Variants in KCNH8 observed in about 807,000 individuals in gnomAD.
KCNH8 encodes voltage-gated delayed rectifier potassium channel KCNH8.
A neutral mutation model predicts 103.6 loss-of-function variants in KCNH8; 70 were observed. That is an observed-to-expected ratio of 0.68 (90% CI 0.56 to 0.82). The LOEUF (loss-of-function observed/expected upper bound fraction) is 0.82, where lower values mean the gene tolerates loss of function less well. Among genes scored for constraint, KCNH8 ranks in the 40% least tolerant of loss-of-function variants. The pLI, the probability that KCNH8 is intolerant of heterozygous loss-of-function variation, is 0.00. For missense variants in KCNH8, 1,217 were observed against 1,329.9 expected, an observed-to-expected ratio of 0.92 and a Z score of 1.32; for synonymous variants, 498 against 489.4, an observed-to-expected ratio of 1.02 and a Z score of -0.23.
At chr3:19,372,994 G>A (rs1196068220) in intron 5 of KCNH8, among the ~76,000 whole-genome samples, 4 of 151,962 alleles carry the variant, frequency 2.6e-5, no homozygotes, top group Non-Finnish European at 5.9e-5. Context: ...TTTTTGATGT[G>A]CTGCTGGATT....
intron 1 of KCNH8, among the ~76,000 whole-genome samples, chr3:19,220,750 A>G (rs534599070): frequency 6.6e-6 from 1 of 152,218 alleles, no homozygotes; most frequent in South Asian, 2.1e-4. Context: ...GCCATCCATC[A>G]TATACTCCCT....
chr3:19,212,271 G>A (rs2063778538), intron 1 of KCNH8, among the ~76,000 whole-genome samples: 1 of 152,140 alleles, frequency 6.6e-6, no homozygotes, highest in African/African-American at 2.4e-5. Context: ...CTCACCAAAG[G>A]TCTCACAGCT....
At chr3:19,249,674 A>C (rs2125250595) in intron 1 of KCNH8, among the ~76,000 whole-genome samples, 1 of 152,308 alleles carries the variant, frequency 6.6e-6, no homozygotes, top group Admixed American at 6.5e-5. Flanking sequence ...AGTAACTAAG[A>C]AATATACCAA....
At chr3:19,187,189 A>G (rs2063510590) in intron 1 of KCNH8, among the ~76,000 whole-genome samples, 1 of 152,002 alleles carries the variant, frequency 6.6e-6, no homozygotes, top group Admixed American at 6.6e-5. Context: ...TTAACATTTA[A>G]CCAATAGAGA....
At chr3:19,249,178 G>A (rs1040724553) in intron 1 of KCNH8, among the ~76,000 whole-genome samples, 7 of 152,286 alleles carry the variant, frequency 4.6e-5, no homozygotes, top group South Asian at 2.1e-4. Flanking sequence ...TGATGATTTC[G>A]TAAGTATTAT....
intron 2 of KCNH8, among the ~76,000 whole-genome samples, chr3:19,268,118 C>A (rs1159875328): frequency 2.0e-5 from 3 of 152,020 alleles, no homozygotes; most frequent in African/African-American, 7.2e-5. Context: ...CGTAAGAATA[C>A]AAGAAAAGGG....
At chr3:19,260,115 A>G (rs752448389) in intron 2 of KCNH8, among the ~76,000 whole-genome samples, 4 of 151,682 alleles carry the variant, frequency 2.6e-5, no homozygotes, top group Non-Finnish European at 5.9e-5. Context: ...TTAGCCATCA[A>G]CATGTCTAAA....
chr3:19,216,918 T>C (rs532700059), intron 1 of KCNH8, among the ~76,000 whole-genome samples: 43 of 152,242 alleles, frequency 2.8e-4, no homozygotes, highest in Non-Finnish European at 4.7e-4. Flanking sequence ...ATCTCAGAGA[T>C]CAGGTTGAGC....
At chr3:19,493,498 T>C (rs2068371043) in intron 11 of KCNH8, among the ~76,000 whole-genome samples, 1 of 152,176 alleles carries the variant, frequency 6.6e-6, no homozygotes, top group Admixed American at 6.6e-5. Flanking sequence ...CCTGCCACCA[T>C]GCAAGATGTG....
chr3:19,382,165 A>G (rs987138816), intron 5 of KCNH8, among the ~76,000 whole-genome samples: 1 of 152,220 alleles, frequency 6.6e-6, no homozygotes, highest in African/African-American at 2.4e-5. Flanking sequence ...TAAATGCTAA[A>G]TATTATCTTT....
At chr3:19,312,423 A>G (rs1364389947) in intron 3 of KCNH8, among the ~76,000 whole-genome samples, 1 of 151,924 alleles carries the variant, frequency 6.6e-6, no homozygotes, top group Non-Finnish European at 1.5e-5. Flanking sequence ...CAAGCCGTAT[A>G]AGCTTGGGTA....
At chr3:19,299,853 A>G (rs2065043293) in intron 3 of KCNH8, among the ~76,000 whole-genome samples, 1 of 152,018 alleles carries the variant, frequency 6.6e-6, no homozygotes, top group Non-Finnish European at 1.5e-5. Context: ...GTATTAGAAA[A>G]CATTATTATT....
chr3:19,389,147 A>G (rs905414015), intron 5 of KCNH8, among the ~76,000 whole-genome samples: 7 of 152,192 alleles, frequency 4.6e-5, no homozygotes, highest in Admixed American at 1.3e-4. Context: ...TTATTGCTGC[A>G]TAGCAAACTT....
At chr3:19,331,097 C>T (rs1390780805) in intron 3 of KCNH8, among the ~76,000 whole-genome samples, 1 of 151,788 alleles carries the variant, frequency 6.6e-6, no homozygotes, top group African/African-American at 2.4e-5. Flanking sequence ...AAAATTCATA[C>T]TTTGTATCAT....
intron 11 of KCNH8, among the ~76,000 whole-genome samples, chr3:19,467,008 T>A (rs553701396): frequency 3.5e-4 from 53 of 151,728 alleles, no homozygotes; most frequent in African/African-American, 1.3e-3. Context: ...TAGACATACA[T>A]AAGTCTATTA....
intron 6 of KCNH8, among the ~76,000 whole-genome samples, chr3:19,391,491 A>G (rs1343152164): frequency 1.3e-5 from 2 of 152,098 alleles, no homozygotes; most frequent in African/African-American, 2.4e-5. Context: ...GTCAATTGAC[A>G]GTGCTTTATA....
intron 1 of KCNH8, among the ~76,000 whole-genome samples, chr3:19,165,189 T>C (rs1425061323): frequency 1.3e-5 from 2 of 152,076 alleles, no homozygotes; most frequent in Non-Finnish European, 2.9e-5. Context: ...ATTTCTGGGG[T>C]GGAAGAGAGA....
chr3:19,279,804 A>G (rs942656370), intron 2 of KCNH8, among the ~76,000 whole-genome samples: 5 of 152,106 alleles, frequency 3.3e-5, no homozygotes, highest in African/African-American at 1.2e-4. Context: ...GAAAAAAATG[A>G]TAGATCCCAA....
Position 19,513,342 on chromosome 3 carries a change from T to C in KCNH8, c.2435+17T>C. 1 of 1,561,308 alleles carries C rather than the reference T, an allele frequency of 6.4e-7. No individual in the cohort carries two copies. The highest frequency in any genetic ancestry group is 1.4e-5 in the African/African-American group (1 of 72,880). On this transcript the variant is annotated intron_variant, in intron 13 of 15. Transcript: ENST00000328405. The stretch of plus-strand genomic sequence containing the variant: ...CAGTCCAAGGTAAGAGTTCATATCA[T>C]ATAACTTTCTCACGTGAACGTGGCT...
Sources: gnomAD v4.1 joint callset for allele counts (sites outside exome capture counted in the v4.1 genomes callset) on GRCh38, gnomAD v4.1.1 for gene constraint, MANE v1.5 for transcripts, NCBI Gene and HGNC (gene_info 2026-07-23, HGNC 2026-07-21) for gene names.